POLH: variants seen among roughly 807,000 people sequenced by gnomAD.
POLH encodes DNA polymerase eta.
POLH carries 53 observed loss-of-function variants against 73.6 expected under a neutral mutation model. That is an observed-to-expected ratio of 0.72 (90% CI 0.58 to 0.91). The LOEUF (loss-of-function observed/expected upper bound fraction) is 0.91, where lower values mean the gene tolerates loss of function less well. POLH is among the 40% of genes least tolerant of loss of function. POLH has a pLI of 0.00. For missense variants in POLH, 768 were observed against 865.4 expected (o/e 0.89, Z 1.41); for synonymous variants, 292 against 308.5 (o/e 0.95, Z 0.56).
chr6:43,604,698 A>C lies in POLH; in HGVS notation c.968A>C (p.Lys323Thr). Residue 323 changes from lysine to threonine, a missense_variant, in exon 8 of 11, where the codon AAG becomes ACG. Lys to Thr is a moderately conservative substitution (Grantham distance 78, BLOSUM62 -1). Transcript: ENST00000372236. Reference sequence around the variant, plus strand: ...CTACCCAAAACCATTGGCTGTAGTAAGAACTTCCCAGGAAAAACAGCTCTT... The same window carrying C: ...CTACCCAAAACCATTGGCTGTAGTACGAACTTCCCAGGAAAAACAGCTCTT... ...RQLPKTIGCS[K>T]NFPGKTALAT... 1 of 1,614,166 alleles carries C rather than the reference A, an allele frequency of 6.2e-7. No homozygotes were observed. The highest frequency in any genetic ancestry group is 8.5e-7 in the Non-Finnish European group (1 of 1,179,990).
Position 43,618,940 on chromosome 6 carries a change from CTTT to C in POLH, c.*4386_*4388del, listed in dbSNP as rs1768524032. ...GCCACCAGGCCAGCCCCAACTTCTA[CTTT>C]TTATTTTATTTATAAATTGGGGGGG... On this transcript the variant is annotated 3_prime_UTR_variant, in exon 11 of 11. Coordinates refer to ENST00000372236, the MANE Select transcript of POLH (RefSeq NM_006502.3). 7.3e-6 allele frequency among the ~76,000 whole-genome samples: 1 copy of C among 137,874 alleles called. No homozygotes were observed. The highest frequency in any genetic ancestry group is 1.5e-5 in the Non-Finnish European group (1 of 64,980). 90.5% of individuals were successfully genotyped at this position (137,874 alleles called of 152,430 possible).
intron 4 of POLH, among the ~76,000 whole-genome samples, chr6:43,592,183 T>C (rs1298156628): frequency 6.6e-6 from 1 of 152,206 alleles, no homozygotes; most frequent in Non-Finnish European, 1.5e-5. Flanking sequence ...GAATCTTTGA[T>C]GTGTGCAACC....
At chr6:43,592,933 T>C (rs1010798117) in intron 4 of POLH, among the ~76,000 whole-genome samples, 1 of 152,226 alleles carries the variant, frequency 6.6e-6, no homozygotes, top group Non-Finnish European at 1.5e-5. Context: ...CCCGGGCTGG[T>C]CTTGATGAGT....
At chr6:43,592,819 T>A (rs1471104171) in intron 4 of POLH, among the ~76,000 whole-genome samples, 1 of 152,218 alleles carries the variant, frequency 6.6e-6, no homozygotes, top group Non-Finnish European at 1.5e-5. Context: ...TCATTGCCAT[T>A]TTGTAACTGG....
intron 1 of POLH, chr6:43,578,585 T>C (rs1763659849): frequency 7.3e-6 from 2 of 272,484 alleles, no homozygotes; most frequent in South Asian, 3.4e-5. Flanking sequence ...TGCCACAGAT[T>C]GGGGGGCAGT....
intron 4 of POLH, 148 bp downstream of exon 4, chr6:43,587,637 T>C (rs1227870174): frequency 1.4e-6 from 1 of 713,444 alleles, no homozygotes; most frequent in African/African-American, 1.8e-5. Flanking sequence ...ATATACAAAT[T>C]TTCTTATCTT....
At chr6:43,598,648 GAAAA>G (rs1766386246) in intron 5 of POLH, among the ~76,000 whole-genome samples, 1 of 150,370 alleles carries the variant, frequency 6.7e-6, no homozygotes, top group African/African-American at 2.4e-5. Flanking sequence ...AAAAAAAAAA[GAAAA>G]AGAAAAGAAA....
intron 4 of POLH, among the ~76,000 whole-genome samples, chr6:43,594,363 A>G (rs1765815858): frequency 1.3e-5 from 2 of 152,186 alleles, no homozygotes; most frequent in African/African-American, 4.8e-5. Context: ...GTATTTCAGG[A>G]AAACAGATAA....
Position 43,618,444 on chromosome 6 carries a change from G to GCCCAGCCTA in POLH, c.*3888_*3896dup. 6.6e-6 allele frequency among the ~76,000 whole-genome samples: 1 copy of GCCCAGCCTA among 151,954 alleles called. No individual in the cohort carries two copies. Among genetic ancestry groups the GCCCAGCCTA allele is most frequent in the South Asian group, 2.1e-4 (1 of 4,814 alleles). On this transcript the variant is annotated 3_prime_UTR_variant, in exon 11 of 11. Transcript: ENST00000372236. ...TGGGATTATAGGCATGAGCCACCAC[G>GCCCAGCCTA]CCCAGCCTATAGTACTGTATTCTTA...
intron 7 of POLH, 79 bp downstream of exon 7, chr6:43,604,090 A>T: frequency 1.8e-6 from 2 of 1,124,576 alleles, no homozygotes; most frequent in South Asian, 1.3e-5. Context: ...ATCTAGTAAA[A>T]TCCAGACCTA....
chr6:43,602,995 C>CA (rs1475677948), intron 6 of POLH, among the ~76,000 whole-genome samples: 1 of 114,022 alleles, frequency 8.8e-6, no homozygotes, highest in Non-Finnish European at 1.7e-5. Flanking sequence ...TTATGTATTC[C>CA]TTTTTTTTTT....
intron 4 of POLH, among the ~76,000 whole-genome samples, chr6:43,596,222 G>A (rs1766035864): frequency 6.6e-6 from 1 of 152,198 alleles, no homozygotes; most frequent in African/African-American, 2.4e-5. Flanking sequence ...GGTGGCTCAG[G>A]CCTGTAATCC....
chr6:43,582,364 CTG>C lies in POLH; in HGVS notation c.47_48del (p.Cys16PhefsTer16), dbSNP rs1470766623. ...DRVVALVDMD[C>X]FFVQVEQRQN... ...GAGTGGTTGCTCTCGTGGACATGGA[CTG>C]TTTTTTTGTTCAAGTGGAGCAGCGG... On this transcript the variant is annotated frameshift_variant, in exon 2 of 11. Coordinates refer to ENST00000372236, the MANE Select transcript of POLH (RefSeq NM_006502.3). LOFTEE classifies it high-confidence loss of function. 3 of 1,613,934 alleles carry C rather than the reference CTG, an allele frequency of 1.9e-6. No homozygotes were observed. The highest frequency in any genetic ancestry group is 1.7e-5 in the Admixed American group (1 of 60,006).
chr6:43,604,855 A>G (rs1205009552), intron 8 of POLH, 117 bp downstream of exon 8: 2 of 1,054,672 alleles, frequency 1.9e-6, no homozygotes, highest in Non-Finnish European at 3.0e-6. Flanking sequence ...TGAAGAAAAC[A>G]GATGTTCTGT....
At chr6:43,602,552 A>G (rs959638264) in intron 6 of POLH, among the ~76,000 whole-genome samples, 1 of 152,244 alleles carries the variant, frequency 6.6e-6, no homozygotes, top group African/African-American at 2.4e-5. Context: ...AGATATTTTC[A>G]GTGAACTGGG....
chr6:43,603,469 C>G (rs901090140), intron 6 of POLH, among the ~76,000 whole-genome samples: 8 of 151,928 alleles, frequency 5.3e-5, no homozygotes, highest in Non-Finnish European at 1.0e-4. Flanking sequence ...ACTTTGTTGT[C>G]CAGGCTGGTC....
At position 43,604,621 on chromosome 6, in the gene POLH, G is replaced by A. The variant is rs1345879059; in HGVS notation, c.891G>A (p.Trp297Ter). The change falls in exon 8 of 11, where the codon TGG becomes TGA. Residue 297 changes from tryptophan to a stop codon, truncating the protein, a stop_gained. Coordinates refer to ENST00000372236, the MANE Select transcript of POLH (RefSeq NM_006502.3). LOFTEE classifies it high-confidence loss of function. ...TTTTTGCTGGTCTTATTAGGTCTTG[G>A]CTATATGCCATGTGCCGAGGGATTG... is the stretch of plus-strand genomic sequence containing the variant. Reference protein sequence around the residue: ...QSHFGEKNGSWLYAMCRGIEH... With the variant: ...QSHFGEKNGS 6.2e-7 allele frequency: 1 copy of A among 1,613,982 alleles called. No homozygotes were observed. Among genetic ancestry groups the A allele is most frequent in the East Asian group, 2.2e-5 (1 of 44,868 alleles).
intron 5 of POLH, among the ~76,000 whole-genome samples, chr6:43,599,730 C>T (rs1040926690): frequency 4.6e-5 from 7 of 151,050 alleles, no homozygotes; most frequent in Middle Eastern, 3.4e-3. Context: ...AAGTTCTTAA[C>T]GAATCTCTCT....
rs9333542 is a variant in POLH, at chr6:43,597,039, T to TAA, written c.491-657_491-656insAA. The stretch of plus-strand genomic sequence containing the variant: ...TTGAAAAAAATATTCTTGGAGAAGA[T>TAA]GTTTAAGTGATTAAATATAGTAGGA... On this transcript the variant is annotated intron_variant, in intron 4 of 10. Transcript: ENST00000372236. 7.1e-3 allele frequency among the ~76,000 whole-genome samples: 1,076 copies of TAA among 152,332 alleles called. 14 individuals are homozygous for TAA. The highest frequency in any genetic ancestry group is 0.025 in the African/African-American group (1,042 of 41,572).
Sources: allele counts gnomAD v4.1 joint callset (sites outside exome capture counted in the v4.1 genomes callset), GRCh38; gene constraint gnomAD v4.1.1; transcripts MANE v1.5; gene names NCBI Gene and HGNC (gene_info 2026-07-23, HGNC 2026-07-21).